The following STARD8 variants were observed in gnomAD, a reference collection of about 807,000 sequenced individuals.
The protein encoded by STARD8 is StAR related lipid transfer domain containing 8.
STARD8 carries 25 observed loss-of-function variants against 69.4 expected under a neutral mutation model. That is an observed-to-expected ratio of 0.36 (90% confidence interval 0.26 to 0.50). The LOEUF is 0.50. Ranked by LOEUF, STARD8 falls within the 20% of genes least tolerant of loss-of-function variation. The probability of loss-of-function intolerance (pLI) is 0.96; values close to 1 mark genes in which losing one functional copy is unlikely to be tolerated. For synonymous variants in STARD8, 389 were observed against 374.6 expected (o/e 1.04, Z -0.45); for missense variants, 921 against 932.5 (o/e 0.99, Z 0.16).
At chrX:68,719,141 A>G (rs765468798) in intron 6 of STARD8, 84 bp from the exon 7 acceptor site, 3 of 1,014,147 alleles carry the variant, frequency 3.0e-6, no homozygotes, top group Admixed American at 4.0e-5. Context: ...GGGAGAAAAA[A>G]GGGGACCACA....
chrX:68,688,950 G>A (rs1357317059), intron 2 of STARD8, among the ~76,000 whole-genome samples: 3 of 106,873 alleles, frequency 2.8e-5, no homozygotes, highest in East Asian at 5.9e-4. Flanking sequence ...GGAAGGAAGG[G>A]ACCCTAGAAC....
chrX:68,664,838 C>T (rs2079673076), intron 1 of STARD8, among the ~76,000 whole-genome samples: 2 of 112,476 alleles, frequency 1.8e-5, no homozygotes, highest in South Asian at 3.7e-4. Flanking sequence ...CTCTGAAGGG[C>T]ACTGGTATTG....
intron 2 of STARD8, among the ~76,000 whole-genome samples, chrX:68,686,889 C>T (rs2079836940): frequency 9.0e-6 from 1 of 111,169 alleles, no homozygotes. Context: ...AAAAAGAACA[C>T]CACTTTGGTT....
intron 1 of STARD8, among the ~76,000 whole-genome samples, chrX:68,652,353 T>C (rs2079553358): frequency 9.0e-6 from 1 of 110,966 alleles, no homozygotes; most frequent in East Asian, 2.8e-4. Context: ...ACTTTGACTA[T>C]GCCTGGGTCT....
At chrX:68,715,127 T>G (rs1025509889) in intron 3 of STARD8, among the ~76,000 whole-genome samples, 167 bp from the exon 4 acceptor site, 1 of 111,693 alleles carries the variant, frequency 9.0e-6, no homozygotes, top group Non-Finnish European at 1.9e-5. Flanking sequence ...GACCTTTCCC[T>G]GAACTCCCTG....
chrX:68,653,664 A>AC (rs1174734361), intron 1 of STARD8, among the ~76,000 whole-genome samples: 1 of 57,873 alleles, frequency 1.7e-5, no homozygotes, highest in African/African-American at 7.1e-5. Flanking sequence ...CGCCACATAC[A>AC]CCCCCCAACA....
Position 68,721,702 on chromosome X carries a change from C to T in STARD8, c.2415C>T (p.Ser805=). 5 of 1,212,257 alleles carry T rather than the reference C, an allele frequency of 4.1e-6. No homozygotes were observed. Among genetic ancestry groups the T allele is most frequent in the Non-Finnish European group, 5.6e-6 (5 of 895,597 alleles). The change falls in exon 10 of 15, where the codon TCC becomes TCT. Residue 805 remains serine (S), a synonymous_variant. Coordinates refer to ENST00000374599, the MANE Select transcript of STARD8 (RefSeq NM_001142503.3). ...ACCTGGCAGTGTGCCTGGCGCCCTCCATCTTCCACCTCAATGTCTCTAAGA... is the reference window on the plus strand; with the variant it reads ...ACCTGGCAGTGTGCCTGGCGCCCTCTATCTTCCACCTCAATGTCTCTAAGA... The part of the protein sequence containing the change: ...AGNLAVCLAP[S]IFHLNVSKKD...
chrX:68,698,930 A>G (rs913485724), intron 2 of STARD8, among the ~76,000 whole-genome samples: 2 of 111,935 alleles, frequency 1.8e-5, no homozygotes, highest in Non-Finnish European at 3.8e-5. Flanking sequence ...GCTGGCTTCA[A>G]ATTCAATCAG....
chrX:68,695,172 C>A (rs1325218717), intron 2 of STARD8, among the ~76,000 whole-genome samples: 1 of 104,792 alleles, frequency 9.5e-6, no homozygotes, highest in Non-Finnish European at 1.9e-5. Context: ...ATCTTGTCTG[C>A]GGATGCGATG....
chrX:68,687,406 T>A (rs981434568), intron 2 of STARD8, among the ~76,000 whole-genome samples: 1 of 111,826 alleles, frequency 8.9e-6, no homozygotes, highest in Non-Finnish European at 1.9e-5. Context: ...TCACTCACTC[T>A]CTCTCGAGAC....
Position 68,716,980 on chromosome X carries a change from G to T in STARD8, c.298-232G>T, listed in dbSNP as rs781575634. Reference sequence around the variant, plus strand: ...TCCTATCTGTAAAATTGGAAGGGGGGTTAGATTAATTAGTTGACCATTACC... The same window carrying T: ...TCCTATCTGTAAAATTGGAAGGGGGTTTAGATTAATTAGTTGACCATTACC... On this transcript the variant is annotated intron_variant, in intron 5 of 14. Transcript: ENST00000374599. 2.7e-5 allele frequency among the ~76,000 whole-genome samples: 3 copies of T among 111,774 alleles called. No homozygotes were observed. In the South Asian group the frequency reaches 1.1e-3, roughly 42 times the overall value.
In STARD8 at chrX:68,661,896, TC is replaced by T. The variant is rs1424378136; in HGVS notation, c.46-3601del. 5.3e-5 allele frequency among the ~76,000 whole-genome samples: 5 copies of T among 94,920 alleles called. No individual in the cohort carries two copies. In the East Asian group the frequency reaches 1.6e-3, roughly 31 times the overall value. The allele number at this position is 94,920 out of a possible 115,157, so 82.4% of individuals were successfully genotyped here. A position where few individuals can be genotyped will look rare whatever the true frequency, so the allele number is the denominator to read the frequency against. ...TCTTTCTTTTCCTTCCTTCCTTCCT[TC>T]CTTCCTTCCTTCCTTCCTTCCTTCC... On this transcript the variant is annotated intron_variant, in intron 1 of 14. Transcript: ENST00000374599.
chrX:68,668,657 G>A (rs1373094793), intron 2 of STARD8, among the ~76,000 whole-genome samples: 1 of 111,103 alleles, frequency 9.0e-6, no homozygotes, highest in Admixed American at 9.6e-5. Flanking sequence ...TTCAACACAT[G>A]TGGTGCTGCC....
intron 2 of STARD8, among the ~76,000 whole-genome samples, chrX:68,677,564 C>T (rs2079773550): frequency 9.0e-6 from 1 of 111,462 alleles, no homozygotes; most frequent in South Asian, 3.8e-4. Context: ...CCTGGAGATG[C>T]TGATGCTCTG....
At chrX:68,716,009 C>T (rs759750895) in intron 4 of STARD8, among the ~76,000 whole-genome samples, 2 of 111,824 alleles carry the variant, frequency 1.8e-5, no homozygotes, top group South Asian at 7.6e-4. Context: ...GGGTAAGAGT[C>T]CCTGTTTCTC....
intron 2 of STARD8, among the ~76,000 whole-genome samples, chrX:68,672,711 GCGC>G (rs1470505259): frequency 9.7e-5 from 10 of 102,920 alleles, no homozygotes; most frequent in African/African-American, 4.3e-4. Context: ...CATTCAAACA[GCGC>G]CCCACCCCCC....
intron 2 of STARD8, among the ~76,000 whole-genome samples, chrX:68,710,743 T>G (rs910821740): frequency 8.9e-6 from 1 of 112,444 alleles, no homozygotes; most frequent in Non-Finnish European, 1.9e-5. Flanking sequence ...CTCCCTTTCC[T>G]GGGGTGGCCA....
At chrX:68,702,588 C>A (rs2079974628) in intron 2 of STARD8, among the ~76,000 whole-genome samples, 1 of 111,929 alleles carries the variant, frequency 8.9e-6, no homozygotes, top group South Asian at 3.7e-4. Flanking sequence ...TAGACAATTT[C>A]TTTTCTTTAA....
chrX:68,689,906 A>G (rs1488009453), intron 2 of STARD8, among the ~76,000 whole-genome samples: 2 of 109,394 alleles, frequency 1.8e-5, no homozygotes, highest in African/African-American at 6.7e-5. Context: ...CCTCCCCACC[A>G]CTGTATTCCC....
Sources: gnomAD v4.1 joint callset for allele counts (sites outside exome capture counted in the v4.1 genomes callset) on GRCh38, gnomAD v4.1.1 for gene constraint, MANE v1.5 for transcripts, NCBI Gene and HGNC (gene_info 2026-07-23, HGNC 2026-07-21) for gene names.